RHOBTB2: variants seen among roughly 807,000 people sequenced by gnomAD.
The protein encoded by RHOBTB2 is rho-related BTB domain-containing protein 2.
Under a neutral mutation model 66.5 loss-of-function variants are expected in RHOBTB2, and 39 were observed. That is an observed-to-expected ratio of 0.59 (90% CI 0.45 to 0.77). The LOEUF is 0.77. Among genes scored for constraint, RHOBTB2 ranks in the 30% least tolerant of loss-of-function variants. The probability of loss-of-function intolerance (pLI) is 0.00; values close to 1 mark genes in which losing one functional copy is unlikely to be tolerated. For missense variants in RHOBTB2, 755 were observed against 999.1 expected (o/e 0.76, Z 3.29); for synonymous variants, 390 against 395.0 (o/e 0.99, Z 0.15).
At position 22,999,704 on chromosome 8, in the gene RHOBTB2, C is replaced by T; in HGVS notation, c.-412C>T. The T allele has an allele frequency of 8.7e-7, 1 of 1,150,840 alleles. No homozygotes were observed. The highest frequency in any genetic ancestry group is 1.6e-5 in the South Asian group (1 of 61,710). 71.3% of individuals were successfully genotyped at this position (1,150,840 alleles called of 1,614,324 possible). A position where few individuals can be genotyped will look rare whatever the true frequency, so the allele number is the denominator to read the frequency against. ...CTGGGACTGCAGCGCCAGGCGTCTT[C>T]GCGGCAGCGCCTTCGCCGCGGGCCC... On this transcript the variant is annotated 5_prime_UTR_variant, in exon 1 of 10. Coordinates refer to ENST00000251822, the MANE Select transcript of RHOBTB2 (RefSeq NM_015178.3).
the RHOBTB2 span, among the ~76,000 whole-genome samples, chr8:22,953,219 C>T: frequency 6.6e-6 from 1 of 152,212 alleles, no homozygotes; most frequent in Non-Finnish European, 1.5e-5. Context: ...GTACCAGTTA[C>T]ACTCCGCCAT....
Position 22,999,800 on chromosome 8 carries a change from G to A in RHOBTB2, c.-316G>A. On this transcript the variant is annotated 5_prime_UTR_variant, in exon 1 of 10. Coordinates refer to ENST00000251822, the MANE Select transcript of RHOBTB2 (RefSeq NM_015178.3). ...GCGCCGCCCGCTGCCTCCGCAGCCC[G>A]GCTCCGCGCGCCGCCGTGACATTGG... The A allele has an allele frequency of 1.0e-6, 1 of 983,316 alleles. No individual in the cohort carries two copies. The highest frequency in any genetic ancestry group is 1.2e-6 in the Non-Finnish European group (1 of 829,576). The allele number at this position is 983,316 out of a possible 1,614,324, so 60.9% of individuals were successfully genotyped here. A position where few individuals can be genotyped will look rare whatever the true frequency, so the allele number is the denominator to read the frequency against.
the RHOBTB2 span, among the ~76,000 whole-genome samples, chr8:22,955,854 G>A: frequency 6.6e-6 from 1 of 152,178 alleles, no homozygotes; most frequent in Non-Finnish European, 1.5e-5. Context: ...ACAGGCATGA[G>A]CCACTGTACC....
At chr8:22,985,799 T>C (rs1040459937), upstream of RHOBTB2, among the ~76,000 whole-genome samples, 2 of 152,202 alleles carry the variant, frequency 1.3e-5, no homozygotes, top group Admixed American at 1.3e-4. Flanking sequence ...TGGCCAGCCG[T>C]TCCTCTGCCT....
upstream of RHOBTB2, among the ~76,000 whole-genome samples, chr8:22,985,406 T>C (rs1452327003): frequency 6.6e-6 from 1 of 152,204 alleles, no homozygotes; most frequent in African/African-American, 2.4e-5. Context: ...GAGGAGCTAG[T>C]GGGAGTGTGC....
At chr8:22,967,969 C>T in the RHOBTB2 span, among the ~76,000 whole-genome samples, 1 of 151,964 alleles carries the variant, frequency 6.6e-6, no homozygotes, top group Non-Finnish European at 1.5e-5. Context: ...GCAGCCTGGG[C>T]AACATGGTAA....
In RHOBTB2 at chr8:22,999,921, C is replaced by T. The variant is rs1810718861; in HGVS notation, c.-195C>T. On this transcript the variant is annotated 5_prime_UTR_variant, in exon 1 of 10. Coordinates refer to ENST00000251822, the MANE Select transcript of RHOBTB2 (RefSeq NM_015178.3). The stretch of plus-strand genomic sequence containing the variant: ...TGGGCCCACGTCCGGCCTGGGCTGC[C>T]CTGCCGGAGTTTCTGAGTGGCCGCG... 2.0e-6 allele frequency: 2 copies of T among 985,234 alleles called. No homozygotes were observed. Among genetic ancestry groups the T allele is most frequent in the Non-Finnish European group, 2.4e-6 (2 of 829,930 alleles). 61.0% of individuals were successfully genotyped at this position (985,234 alleles called of 1,614,324 possible).
the RHOBTB2 span, among the ~76,000 whole-genome samples, chr8:22,953,225 G>A: frequency 6.6e-6 from 1 of 152,060 alleles, no homozygotes; most frequent in Non-Finnish European, 1.5e-5. Flanking sequence ...GTTACACTCC[G>A]CCATTTTGCC....
chr8:23,011,948 T>G (rs1811161272), intron 7 of RHOBTB2, among the ~76,000 whole-genome samples: 1 of 152,084 alleles, frequency 6.6e-6, no homozygotes. Context: ...TGGGGCTGGG[T>G]TACAGAAAGA....
chr8:23,004,000 C>A, intron 1 of RHOBTB2: 1 of 270,552 alleles, frequency 3.7e-6, no homozygotes, highest in Admixed American at 4.9e-5. Flanking sequence ...GGGGTGGGGA[C>A]GTGGCCGACT....
At chr8:22,970,733 A>G in the RHOBTB2 span, among the ~76,000 whole-genome samples, 1 of 152,002 alleles carries the variant, frequency 6.6e-6, no homozygotes, top group East Asian at 1.9e-4. Flanking sequence ...CTGAGATTAC[A>G]GGCATGAGCC....
the RHOBTB2 span, among the ~76,000 whole-genome samples, chr8:22,979,902 C>T: frequency 3.3e-5 from 5 of 151,242 alleles, no homozygotes; most frequent in African/African-American, 4.9e-5. Flanking sequence ...GGACTATAGG[C>T]GCGTGCCATC....
chr8:23,004,706 C>A lies in RHOBTB2; in HGVS notation c.192+80C>A. On this transcript the variant is annotated intron_variant, in intron 2 of 9. Coordinates refer to ENST00000251822, the MANE Select transcript of RHOBTB2 (RefSeq NM_015178.3). The surrounding 1 kb of genome is among the most constrained non-coding windows in gnomAD (Gnocchi z 6.4). ...GGCTTCCTGAGGCATAGCTTGGTGTCTCCAGAGCTCACGGGAGCCCTCTAG... is the reference window on the plus strand; with the variant it reads ...GGCTTCCTGAGGCATAGCTTGGTGTATCCAGAGCTCACGGGAGCCCTCTAG... The A allele has an allele frequency of 7.3e-7, 1 of 1,370,562 alleles. No individual in the cohort carries two copies. Among genetic ancestry groups the A allele is most frequent in the Non-Finnish European group, 1.0e-6 (1 of 995,582 alleles). The allele number at this position is 1,370,562 out of a possible 1,614,324, so 84.9% of individuals were successfully genotyped here. A position where few individuals can be genotyped will look rare whatever the true frequency, so the allele number is the denominator to read the frequency against.
upstream of RHOBTB2, among the ~76,000 whole-genome samples, chr8:22,982,665 G>A (rs1207953470): frequency 6.6e-6 from 1 of 152,196 alleles, no homozygotes; most frequent in Non-Finnish European, 1.5e-5. Flanking sequence ...CTGAGAGACA[G>A]AGCGAGACAA....
Position 23,004,917 on chromosome 8 carries a change from G to A in RHOBTB2, c.192+291G>A. 1 of 490,946 alleles carries A rather than the reference G, an allele frequency of 2.0e-6. No homozygotes were observed. The highest frequency in any genetic ancestry group is 3.7e-6 in the Non-Finnish European group (1 of 269,728). 30.4% of individuals were successfully genotyped at this position (490,946 alleles called of 1,614,324 possible). On this transcript the variant is annotated intron_variant, in intron 2 of 9. Coordinates refer to ENST00000251822, the MANE Select transcript of RHOBTB2 (RefSeq NM_015178.3). The surrounding 1 kb of genome is among the most constrained non-coding windows in gnomAD (Gnocchi z 6.4). ...TAGTCACAGCCTTAAGTAATGGGGA[G>A]CACTGGAGGGCTGGGGCTTGGAAGA...
chr8:22,966,633 A>AT, the RHOBTB2 span, among the ~76,000 whole-genome samples: 1 of 151,902 alleles, frequency 6.6e-6, no homozygotes. Flanking sequence ...GAAAAAAAAA[A>AT]GCGGGGTGGT....
At position 23,007,400 on chromosome 8, in the gene RHOBTB2, G is replaced by T; in HGVS notation, c.1155G>T (p.Val385=). 1 of 1,614,196 alleles carries T rather than the reference G, an allele frequency of 6.2e-7. No individual in the cohort carries two copies. Among genetic ancestry groups the T allele is most frequent in the African/African-American group, 1.3e-5 (1 of 75,054 alleles). The change falls in exon 5 of 10, where the codon GTG becomes GTT. Residue 385 remains valine (V), a synonymous_variant. Coordinates refer to ENST00000251822, the MANE Select transcript of RHOBTB2 (RefSeq NM_015178.3). ...GTGYLPGRGR[V]LSSWSRAFVS... ...GGTACCTACCGGGCAGGGGTCGTGT[G>T]CTGTCTTCCTGGAGCCGAGCTTTTG...
chr8:22,952,530 T>C, the RHOBTB2 span, among the ~76,000 whole-genome samples: 2 of 152,134 alleles, frequency 1.3e-5, no homozygotes, highest in South Asian at 4.1e-4. Flanking sequence ...CTTGCCTCCT[T>C]AGAAGAAGGA....
At chr8:22,995,945 TGG>T, upstream of RHOBTB2, 1 of 1,482,894 alleles carries the variant, frequency 6.7e-7, no homozygotes, top group Middle Eastern at 1.7e-4. Flanking sequence ...AGGTGCAGGT[TGG>T]AGGATGGACT....
Sources: gnomAD v4.1 joint callset for allele counts (sites outside exome capture counted in the v4.1 genomes callset) on GRCh38, gnomAD v4.1.1 for gene constraint, Gnocchi (gnomAD v3.1) non-coding constraint, MANE v1.5 for transcripts, NCBI Gene and HGNC (gene_info 2026-07-23, HGNC 2026-07-21) for gene names.